MTHFD1L: variants seen among roughly 807,000 people sequenced by gnomAD.
MTHFD1L encodes the protein monofunctional C1-tetrahydrofolate synthase, mitochondrial.
A neutral mutation model predicts 119.5 loss-of-function variants in MTHFD1L; 81 were observed. The observed-to-expected ratio is 0.68, with a 90% CI of 0.57 to 0.82. MTHFD1L has a LOEUF of 0.82. Among genes scored for constraint, MTHFD1L ranks in the 40% least tolerant of loss-of-function variants. The pLI is 0.00. For synonymous variants in MTHFD1L, 430 were observed against 475.2 expected (o/e 0.90, Z 1.24); for missense variants, 1,125 against 1,253.4 (o/e 0.90, Z 1.55).
At chr6:150,919,208 A>T (rs1230199406) in intron 9 of MTHFD1L, among the ~76,000 whole-genome samples, 1 of 151,560 alleles carries the variant, frequency 6.6e-6, no homozygotes, top group Non-Finnish European at 1.5e-5. Flanking sequence ...AAGAAAACAG[A>T]TTTAATTGGC....
rs1056695764 is a variant in MTHFD1L, at chr6:150,934,169, C to T, written c.1257-2635C>T. 5.3e-5 allele frequency among the ~76,000 whole-genome samples: 8 copies of T among 152,280 alleles called. No individual in the cohort carries two copies. In the South Asian group the frequency reaches 6.2e-4, roughly 12 times the overall value. ...TACTGCTTACTAGCTGTGTGACTGT[C>T]GGCAAGTTGCTTACACTCTGTGCCT... On this transcript the variant is annotated intron_variant, in intron 11 of 27. Transcript: ENST00000367321.
chr6:151,006,283 G>A (rs953271122), intron 20 of MTHFD1L, among the ~76,000 whole-genome samples: 1 of 152,184 alleles, frequency 6.6e-6, no homozygotes, highest in Admixed American at 6.5e-5. Context: ...CTGAGTCTTG[G>A]ACAGCGGGTT....
At chr6:150,955,800 T>C (rs952707865) in intron 16 of MTHFD1L, among the ~76,000 whole-genome samples, 195 bp from the exon 17 acceptor site, 4 of 152,058 alleles carry the variant, frequency 2.6e-5, no homozygotes, top group African/African-American at 9.7e-5. Flanking sequence ...GTGCTTGGCC[T>C]CTAGTGGATT....
intron 25 of MTHFD1L, among the ~76,000 whole-genome samples, chr6:151,035,338 T>C (rs1331522416): frequency 1.3e-5 from 2 of 152,188 alleles, no homozygotes; most frequent in Non-Finnish European, 2.9e-5. Flanking sequence ...GTCAGAACAC[T>C]TTAAGAGCCT....
At chr6:150,885,847 TATCCTTTTAGG>T (rs1782156912) in intron 6 of MTHFD1L, 113 bp downstream of exon 6, 16 of 737,056 alleles carry the variant, frequency 2.2e-5, no homozygotes, top group Non-Finnish European at 3.5e-5. Flanking sequence ...ATTATTCTGA[TATCCTTTTAGG>T]ATGTTTCTAG....
intron 8 of MTHFD1L, among the ~76,000 whole-genome samples, chr6:150,908,127 C>A (rs180693086): frequency 8.2e-4 from 122 of 148,230 alleles, no homozygotes; most frequent in African/African-American, 2.9e-3. Flanking sequence ...AGGTTGGTTT[C>A]GAACTCCTGA....
chr6:151,004,173 T>A (rs1781053306), intron 20 of MTHFD1L, among the ~76,000 whole-genome samples: 1 of 151,742 alleles, frequency 6.6e-6, no homozygotes, highest in Admixed American at 6.6e-5. Context: ...TGAAATCCTG[T>A]CTCTACTAAA....
rs73013121 is a variant in MTHFD1L at position 150,922,312 on chromosome 6, G to A, written c.1082+10G>A. 18,347 of 1,610,942 alleles carry A rather than the reference G, an allele frequency of 0.011. 144 individuals carry two copies. Among genetic ancestry groups the A allele is most frequent in the Middle Eastern group, 0.023 (137 of 6,056 alleles). ...TCTCCCCTGTGCCAAGGTAACACTGGTGTTTTATTTACACTGATGTCAGCT... is the reference window on the plus strand; with the variant it reads ...TCTCCCCTGTGCCAAGGTAACACTGATGTTTTATTTACACTGATGTCAGCT... On this transcript the variant is annotated intron_variant, in intron 10 of 27. Coordinates refer to ENST00000367321, the MANE Select transcript of MTHFD1L (RefSeq NM_015440.5).
intron 20 of MTHFD1L, among the ~76,000 whole-genome samples, chr6:150,980,725 A>G (rs1196838338): frequency 6.8e-6 from 1 of 146,120 alleles, no homozygotes; most frequent in Non-Finnish European, 1.5e-5. Context: ...AAAAAAAAAA[A>G]AGAAAGAAAG....
At chr6:150,898,729 A>C (rs1784648852) in intron 7 of MTHFD1L, 1 of 272,918 alleles carries the variant, frequency 3.7e-6, no homozygotes, top group Non-Finnish European at 6.9e-6. Context: ...AGTCTTTGTC[A>C]TGTGAAGGAA....
intron 26 of MTHFD1L, among the ~76,000 whole-genome samples, chr6:151,055,589 G>A (rs1283557672): frequency 3.3e-5 from 5 of 151,364 alleles, no homozygotes; most frequent in African/African-American, 4.8e-5. Context: ...GTGCAGTGGC[G>A]CGATCTCGGC....
chr6:151,091,323 C>A (rs1794426668), intron 26 of MTHFD1L, among the ~76,000 whole-genome samples: 1 of 132,012 alleles, frequency 7.6e-6, no homozygotes, highest in African/African-American at 2.7e-5. Flanking sequence ...ATGAAACACT[C>A]ACTATTAAAG....
chr6:150,869,471 C>T (rs1319672009), intron 1 of MTHFD1L, among the ~76,000 whole-genome samples: 1 of 152,158 alleles, frequency 6.6e-6, no homozygotes, highest in African/African-American at 2.4e-5. Context: ...ATGATGGTTT[C>T]CAGCTTCTTC....
chr6:150,867,204 C>A (rs1012418131), intron 1 of MTHFD1L, among the ~76,000 whole-genome samples: 2 of 152,012 alleles, frequency 1.3e-5, no homozygotes, highest in Admixed American at 1.3e-4. Context: ...TCTTCTTTTT[C>A]TTTTAGAAAT....
At chr6:151,051,907 G>A (rs758056441) in intron 26 of MTHFD1L, among the ~76,000 whole-genome samples, 4 of 152,252 alleles carry the variant, frequency 2.6e-5, no homozygotes, top group Non-Finnish European at 5.9e-5. Flanking sequence ...GGCAGGGACT[G>A]AGGCGGGAGG....
intron 20 of MTHFD1L, 68 bp from the exon 21 acceptor site, chr6:151,009,751 T>A: frequency 6.4e-7 from 1 of 1,556,488 alleles, no homozygotes; most frequent in South Asian, 1.1e-5. Context: ...CGAATCATAG[T>A]GGTGATTGCC....
chr6:150,883,495 T>G (rs1781708107), intron 5 of MTHFD1L, among the ~76,000 whole-genome samples: 3 of 152,226 alleles, frequency 2.0e-5, no homozygotes, highest in African/African-American at 7.2e-5. Flanking sequence ...TTCTAATAGT[T>G]TTTTCCTTGG....
At chr6:150,984,679 TG>T (rs1236758174) in intron 20 of MTHFD1L, among the ~76,000 whole-genome samples, 10 of 152,294 alleles carry the variant, frequency 6.6e-5, no homozygotes, top group Admixed American at 5.9e-4. Flanking sequence ...CATATTCTTC[TG>T]TATAAGTAAA....
Position 151,093,133 on chromosome 6 carries a change from C to T in MTHFD1L, c.*31+546C>T, listed in dbSNP as rs1271480731. On this transcript the variant is annotated intron_variant, in intron 27 of 27. Transcript: ENST00000367321. Reference sequence around the variant, plus strand: ...GTCCAAAGTCAAGGTGTCAGCCAGGCCATACGCCACCTCGAGACTCTGGGT... The same window carrying T: ...GTCCAAAGTCAAGGTGTCAGCCAGGTCATACGCCACCTCGAGACTCTGGGT... Among the ~76,000 whole-genome samples the T allele has an allele frequency of 2.0e-5, 3 of 152,266 alleles. No homozygotes were observed. In the East Asian group the frequency reaches 5.8e-4, roughly 29 times the overall value.
Sources: allele counts gnomAD v4.1 joint callset (sites outside exome capture counted in the v4.1 genomes callset), GRCh38; gene constraint gnomAD v4.1.1; transcripts MANE v1.5; gene names NCBI Gene and HGNC (gene_info 2026-07-23, HGNC 2026-07-21).